The following TWSG1 variants were observed in gnomAD, a reference collection of about 807,000 sequenced individuals.
TWSG1 encodes the protein twisted gastrulation BMP signaling modulator 1, also known as twisted gastrulation protein homolog 1.
TWSG1 carries 15 observed loss-of-function variants against 23.0 expected under a neutral mutation model. That is an observed-to-expected ratio of 0.65 (90% CI 0.44 to 1.00). TWSG1 has a LOEUF of 1.00. Ranked by LOEUF, TWSG1 falls within the 50% of genes least tolerant of loss-of-function variation. The pLI, the probability that TWSG1 is intolerant of heterozygous loss-of-function variation, is 0.00. For missense variants in TWSG1, 242 were observed against 278.7 expected, an observed-to-expected ratio of 0.87 and a Z score of 0.94; for synonymous variants, 86 against 92.8, an observed-to-expected ratio of 0.93 and a Z score of 0.42.
intron 2 of TWSG1, among the ~76,000 whole-genome samples, chr18:9,340,837 A>G (rs1004316159): frequency 6.6e-6 from 1 of 152,230 alleles, no homozygotes; most frequent in African/African-American, 2.4e-5. Context: ...TGTGACTAGT[A>G]TGGCTGAAAA....
At chr18:9,389,954 TTTA>T (rs1439084287) in intron 3 of TWSG1, among the ~76,000 whole-genome samples, 1 of 152,240 alleles carries the variant, frequency 6.6e-6, no homozygotes, top group Non-Finnish European at 1.5e-5. Context: ...TATAGTGTAG[TTTA>T]TTAAGTGTGC....
intron 3 of TWSG1, among the ~76,000 whole-genome samples, chr18:9,368,959 A>G (rs1001199452): frequency 6.6e-6 from 1 of 150,386 alleles, no homozygotes; most frequent in Non-Finnish European, 1.5e-5. Flanking sequence ...AAAAAAAAAA[A>G]TTAGCTGAGT....
chr18:9,383,635 G>A (rs2040669424), intron 3 of TWSG1, among the ~76,000 whole-genome samples: 1 of 152,174 alleles, frequency 6.6e-6, no homozygotes, highest in Non-Finnish European at 1.5e-5. Flanking sequence ...TGATAGCAGT[G>A]GAAATGGTGG....
At chr18:9,367,119 A>G (rs1004326129) in intron 3 of TWSG1, among the ~76,000 whole-genome samples, 11 of 151,990 alleles carry the variant, frequency 7.2e-5, no homozygotes, top group African/African-American at 2.4e-4. Context: ...TTTTGTAGAG[A>G]TGGGGTCTCA....
chr18:9,346,002 T>C (rs957644182), intron 2 of TWSG1, among the ~76,000 whole-genome samples: 2 of 152,244 alleles, frequency 1.3e-5, no homozygotes, highest in African/African-American at 4.8e-5. Context: ...AACTAAAATC[T>C]ATGCTTTGCA....
chr18:9,351,447 A>G (rs1032783586), intron 2 of TWSG1, among the ~76,000 whole-genome samples: 1 of 152,136 alleles, frequency 6.6e-6, no homozygotes, highest in Non-Finnish European at 1.5e-5. Flanking sequence ...TTCTTTGAAA[A>G]AAATTATGTT....
At chr18:9,337,045 G>T in intron 1 of TWSG1, 148 bp from the exon 2 acceptor site, 1 of 619,812 alleles carries the variant, frequency 1.6e-6, no homozygotes, top group Non-Finnish European at 2.6e-6. Context: ...CTGTACTTCA[G>T]CCTGGGCAAC....
At chr18:9,336,248 G>A (rs1314680923) in intron 1 of TWSG1, among the ~76,000 whole-genome samples, 1 of 151,918 alleles carries the variant, frequency 6.6e-6, no homozygotes, top group Non-Finnish European at 1.5e-5. Flanking sequence ...AAAAATTAGC[G>A]GGGCGTGGTG....
intron 2 of TWSG1, among the ~76,000 whole-genome samples, chr18:9,354,153 C>G (rs2040514419): frequency 6.6e-6 from 1 of 152,102 alleles, no homozygotes; most frequent in Non-Finnish European, 1.5e-5. Context: ...GAATACCTAA[C>G]CATAACTGGG....
intron 3 of TWSG1, among the ~76,000 whole-genome samples, chr18:9,366,410 A>G (rs2040578908): frequency 6.6e-6 from 1 of 152,238 alleles, no homozygotes; most frequent in Admixed American, 6.5e-5. Flanking sequence ...AGGATCAGAC[A>G]GCTCTGTGCT....
chr18:9,396,147 CAAAAAAAAAA>C, intron 3 of TWSG1, 123 bp from the exon 4 acceptor site: 7 of 470,690 alleles, frequency 1.5e-5, no homozygotes, highest in Admixed American at 4.9e-5. Context: ...GCTCACCCAG[CAAAAAAAAAA>C]AAAAAAAAAA....
intron 3 of TWSG1, among the ~76,000 whole-genome samples, chr18:9,378,274 G>A (rs1429277369): frequency 2.0e-5 from 3 of 152,270 alleles, no homozygotes; most frequent in Non-Finnish European, 2.9e-5. Flanking sequence ...GAGCAATGAG[G>A]CAAGAGAAAG....
chr18:9,358,827 T>C (rs913059269), intron 2 of TWSG1, among the ~76,000 whole-genome samples: 9 of 152,324 alleles, frequency 5.9e-5, no homozygotes, highest in African/African-American at 2.2e-4. Context: ...AAATCAGTTT[T>C]GTCATAAGTT....
At chr18:9,351,622 G>GTTTTTTTTTTTTTTTTGTTTT (rs2040502259) in intron 2 of TWSG1, among the ~76,000 whole-genome samples, 1 of 116,608 alleles carries the variant, frequency 8.6e-6, no homozygotes. Context: ...ACCATGCTGG[G>GTTTTTTTTTTTTTTTTGTTTT]TTTTTTTTTT....
intron 2 of TWSG1, among the ~76,000 whole-genome samples, chr18:9,348,479 A>C (rs1165266411): frequency 1.3e-5 from 2 of 152,236 alleles, no homozygotes; most frequent in African/African-American, 4.8e-5. Context: ...TTGCCTGTGC[A>C]CAGTTTTCTG....
intron 2 of TWSG1, among the ~76,000 whole-genome samples, chr18:9,339,802 C>CA (rs920053725): frequency 3.5e-4 from 47 of 135,232 alleles, no homozygotes; most frequent in Non-Finnish European, 3.5e-4. Flanking sequence ...GACTCTGTCT[C>CA]AAAAAAAAAA....
At chr18:9,379,357 C>T (rs1343176674) in intron 3 of TWSG1, among the ~76,000 whole-genome samples, 1 of 152,138 alleles carries the variant, frequency 6.6e-6, no homozygotes, top group Non-Finnish European at 1.5e-5. Flanking sequence ...CGATCATGTC[C>T]TTTGCGGGAA....
Position 9,362,216 on chromosome 18 carries a change from AT to A in TWSG1, c.223+2154del, listed in dbSNP as rs923823112. On this transcript the variant is annotated intron_variant, in intron 3 of 4. Coordinates refer to ENST00000262120, the MANE Select transcript of TWSG1 (RefSeq NM_020648.6). ...TTAATCTCTGATATACACACATAAG[AT>A]TTTTTTTTGAGACAGGGTCTTGCTA... Among the ~76,000 whole-genome samples, 3 of 151,836 alleles carry A rather than the reference AT, an allele frequency of 2.0e-5. No individual in the cohort carries two copies. The South Asian group carries it at 6.3e-4, about 32-fold the overall frequency.
intron 3 of TWSG1, among the ~76,000 whole-genome samples, chr18:9,391,376 G>A (rs1361234405): frequency 2.0e-5 from 3 of 152,176 alleles, no homozygotes; most frequent in Non-Finnish European, 4.4e-5. Flanking sequence ...TGATAATGTT[G>A]ATAGTTTAAC....
Sources: gnomAD v4.1 joint callset for allele counts (sites outside exome capture counted in the v4.1 genomes callset) on GRCh38, gnomAD v4.1.1 for gene constraint, MANE v1.5 for transcripts, NCBI Gene and HGNC (gene_info 2026-07-23, HGNC 2026-07-21) for gene names.